The following BEAN1 variants were observed in gnomAD, a reference collection of about 807,000 sequenced individuals.
BEAN1 encodes the protein protein BEAN1.
BEAN1 carries 17 observed loss-of-function variants against 17.7 expected under a neutral mutation model. The ratio of observed to expected loss-of-function variants is 0.96; its 90% confidence interval spans 0.66 to 1.44. The LOEUF is 1.44. Among genes scored for constraint, BEAN1 ranks in the 40% most tolerant of loss-of-function variants. BEAN1 has a pLI of 0.00. For missense variants in BEAN1, 359 were observed against 374.1 expected (o/e 0.96, Z 0.33); for synonymous variants, 142 against 151.8 (o/e 0.94, Z 0.47).
intron 2 of BEAN1, among the ~76,000 whole-genome samples, 200 bp from the exon 3 acceptor site, chr16:66,469,402 A>T (rs1963379037): frequency 6.6e-6 from 1 of 152,098 alleles, no homozygotes; most frequent in Admixed American, 6.5e-5. Flanking sequence ...AGCCCTCACT[A>T]CCAGAGGCTC....
At chr16:66,477,841 C>A in intron 4 of BEAN1, 131 bp downstream of exon 4, 1 of 1,079,148 alleles carries the variant, frequency 9.3e-7, no homozygotes, top group Non-Finnish European at 1.3e-6. Context: ...GCTCAGTGGG[C>A]ATGGCCACCT....
At chr16:66,474,591 AGG>A (rs1567505047) in intron 3 of BEAN1, among the ~76,000 whole-genome samples, 2 of 14,726 alleles carry the variant, frequency 1.4e-4, no homozygotes, top group African/African-American at 6.6e-4. Context: ...AGAGGGAGGG[AGG>A]GAGGGAGGGA....
chr16:66,455,622 C>A (rs1962835752), intron 2 of BEAN1, among the ~76,000 whole-genome samples: 1 of 151,982 alleles, frequency 6.6e-6, no homozygotes, highest in Non-Finnish European at 1.5e-5. Context: ...ATTACATGAG[C>A]CTTACCTAGG....
In BEAN1 at chr16:66,480,816, C is replaced by T; in HGVS notation, c.671C>T (p.Pro224Leu). The T allele has an allele frequency of 6.5e-7, 1 of 1,539,930 alleles. No individual in the cohort carries two copies. Among genetic ancestry groups the T allele is most frequent in the Non-Finnish European group, 8.8e-7 (1 of 1,139,944 alleles). Residue 224 changes from proline (P) to leucine (L), a missense_variant, in exon 5 of 5, where the codon CCC (proline) becomes CTC (leucine). Physicochemically the swap from Pro to Leu is moderately conservative, Grantham distance 98. Coordinates refer to ENST00000536005, the MANE Select transcript of BEAN1 (RefSeq NM_001178020.3). ...TACGAGGCTGTGTGCGGGGCTGGCC[C>T]CCCATCAGGCCTGCTGCCACTGCCG... is the stretch of plus-strand genomic sequence containing the variant. Reference protein sequence around the residue: ...PPYEAVCGAGPPSGLLPLPGP... With the variant: ...PPYEAVCGAGLPSGLLPLPGP...
chr16:66,436,351 T>G (rs1962018751), intron 1 of BEAN1, among the ~76,000 whole-genome samples: 1 of 145,844 alleles, frequency 6.9e-6, no homozygotes. Flanking sequence ...CACTGCAAGC[T>G]CCGCCTCCCA....
At chr16:66,484,710 G>A (rs1160058572), downstream of BEAN1, 1 of 454,030 alleles carries the variant, frequency 2.2e-6, no homozygotes, top group African/African-American at 2.0e-5. This position sits in a 1 kb window ranked among gnomAD's most constrained non-coding sequence, Gnocchi z 4.2. Flanking sequence ...AAGGAAGCCA[G>A]TGAGGGGGTC....
At chr16:66,443,563 G>A (rs996073511) in intron 2 of BEAN1, among the ~76,000 whole-genome samples, 2 of 152,208 alleles carry the variant, frequency 1.3e-5, no homozygotes, top group African/African-American at 4.8e-5. Flanking sequence ...AGGACTTCAT[G>A]GCCCCTGAAC....
At chr16:66,487,776 A>AC (rs1275877108), downstream of BEAN1, among the ~76,000 whole-genome samples, 1 of 151,690 alleles carries the variant, frequency 6.6e-6, no homozygotes, top group Non-Finnish European at 1.5e-5. Flanking sequence ...AGGCCTCAGG[A>AC]CCCCCATGCC....
At position 66,469,709 on chromosome 16, in the gene BEAN1, G is replaced by A. The variant is rs1963395144; in HGVS notation, c.133G>A (p.Val45Met). Reference sequence around the variant, plus strand: ...GCTGGTGGCGAGTGCCGTCATAGGTGTGGTCATCATCCTCTCCTGCATCAC... The same window carrying A: ...GCTGGTGGCGAGTGCCGTCATAGGTATGGTCATCATCCTCTCCTGCATCAC... Reference protein sequence around the residue: ...PVLVASAVIGVVIILSCITII... With the variant: ...PVLVASAVIGMVIILSCITII... The change falls in exon 3 of 5, where the codon GTG becomes ATG. Residue 45 changes from valine (V) to methionine (M), a missense_variant. Coordinates refer to ENST00000536005, the MANE Select transcript of BEAN1 (RefSeq NM_001178020.3). The A allele has an allele frequency of 1.3e-6, 2 of 1,536,030 alleles. No homozygotes were observed. The highest frequency in any genetic ancestry group is 1.7e-6 in the Non-Finnish European group (2 of 1,146,924).
At chr16:66,464,280 T>C (rs1963186903) in intron 2 of BEAN1, among the ~76,000 whole-genome samples, 1 of 152,222 alleles carries the variant, frequency 6.6e-6, no homozygotes, top group African/African-American at 2.4e-5. Context: ...TGTCTTTCTA[T>C]TTATTTGGAT....
downstream of BEAN1, among the ~76,000 whole-genome samples, chr16:66,486,448 T>A (rs1964090366): frequency 6.6e-6 from 1 of 151,996 alleles, no homozygotes; most frequent in African/African-American, 2.4e-5. Flanking sequence ...AGAGACGGGG[T>A]CTCACCATGT....
At chr16:66,488,222 G>A (rs1390074794) in intron 4 of BEAN1, among the ~76,000 whole-genome samples, 1 of 152,126 alleles carries the variant, frequency 6.6e-6, no homozygotes, top group Middle Eastern at 3.4e-3. Flanking sequence ...ACAGTGGTGG[G>A]GCAGGGGGGT....
chr16:66,453,238 C>A (rs1250389877), intron 2 of BEAN1, among the ~76,000 whole-genome samples: 1 of 151,784 alleles, frequency 6.6e-6, no homozygotes, highest in Non-Finnish European at 1.5e-5. Context: ...TTCCTTTCTT[C>A]TTTTCTAATA....
intron 2 of BEAN1, among the ~76,000 whole-genome samples, chr16:66,450,378 G>A (rs1459249775): frequency 6.6e-6 from 1 of 152,182 alleles, no homozygotes; most frequent in Non-Finnish European, 1.5e-5. Context: ...GTTTCTAAGT[G>A]TACTGCAATA....
chr16:66,486,699 C>T (rs1020384232), downstream of BEAN1, among the ~76,000 whole-genome samples: 3 of 152,184 alleles, frequency 2.0e-5, no homozygotes, highest in Non-Finnish European at 4.4e-5. Flanking sequence ...GGAATGGGTT[C>T]TGCAAAGAAA....
intron 4 of BEAN1, among the ~76,000 whole-genome samples, chr16:66,489,672 A>G (rs771161688): frequency 6.6e-6 from 1 of 152,190 alleles, no homozygotes; most frequent in South Asian, 2.1e-4. Flanking sequence ...TAGAGAAGGT[A>G]GGAAAGAGAG....
intron 2 of BEAN1, among the ~76,000 whole-genome samples, chr16:66,460,990 C>T (rs1283001696): frequency 6.6e-6 from 1 of 152,128 alleles, no homozygotes; most frequent in African/African-American, 2.4e-5. Flanking sequence ...GCATACAATA[C>T]AGTAGGTGCT....
chr16:66,489,609 G>A (rs1964137430), intron 4 of BEAN1, among the ~76,000 whole-genome samples: 1 of 149,256 alleles, frequency 6.7e-6, no homozygotes, highest in Non-Finnish European at 1.5e-5. Context: ...CCAGTAGTGT[G>A]GGTGGTAAAG....
Position 66,481,571 on chromosome 16 carries a change from A to G in BEAN1, c.*646A>G, listed in dbSNP as rs1355756929. 2 of 250,030 alleles carry G rather than the reference A, an allele frequency of 8.0e-6. No homozygotes were observed. Among genetic ancestry groups the G allele is most frequent in the East Asian group, 1.5e-4 (2 of 13,546 alleles). 15.5% of individuals were successfully genotyped at this position (250,030 alleles called of 1,614,324 possible). The stretch of plus-strand genomic sequence containing the variant: ...TCTCAGGCGCAAACTGGAGGCCCTC[A>G]CAGCCCACTAGGCCCCCTCCCAACC... On this transcript the variant is annotated 3_prime_UTR_variant, in exon 5 of 5. Transcript: ENST00000536005. The surrounding 1 kb of genome is among the most constrained non-coding windows in gnomAD (Gnocchi z 4.1).
Sources: allele counts gnomAD v4.1 joint callset (sites outside exome capture counted in the v4.1 genomes callset), GRCh38; gene constraint gnomAD v4.1.1; non-coding constraint Gnocchi (gnomAD v3.1); transcripts MANE v1.5; gene names NCBI Gene and HGNC (gene_info 2026-07-23, HGNC 2026-07-21).